The following PLEKHM3 variants were observed in gnomAD, a reference collection of about 807,000 sequenced individuals.
PLEKHM3 encodes pleckstrin homology domain containing M3.
In PLEKHM3, 45 loss-of-function variants were observed where a neutral mutation model predicts 81.8. The ratio of observed to expected loss-of-function variants is 0.55; its 90% CI spans 0.43 to 0.71. The LOEUF is 0.71. PLEKHM3 is among the 30% of genes least tolerant of loss of function. PLEKHM3 has a pLI of 0.00. For missense variants in PLEKHM3, 788 were observed against 924.3 expected (o/e 0.85, Z 1.91); for synonymous variants, 352 against 356.4 (o/e 0.99, Z 0.14).
chr2:207,912,996 T>C (rs1319695507), intron 5 of PLEKHM3, among the ~76,000 whole-genome samples: 1 of 152,148 alleles, frequency 6.6e-6, no homozygotes, highest in African/African-American at 2.4e-5. Context: ...TCCAAGGGCT[T>C]TCCTCTGCTG....
chr2:207,986,975 C>T (rs148142991), intron 2 of PLEKHM3, among the ~76,000 whole-genome samples: 21 of 151,928 alleles, frequency 1.4e-4, no homozygotes, highest in East Asian at 1.2e-3. Context: ...CCACTACACT[C>T]GCCCTCCATC....
At chr2:207,841,195 G>A (rs1004411568) in intron 7 of PLEKHM3, among the ~76,000 whole-genome samples, 7 of 151,082 alleles carry the variant, frequency 4.6e-5, no homozygotes, top group African/African-American at 7.3e-5. Context: ...GACTGGGCGC[G>A]GTGGCTCACG....
chr2:207,940,791 T>C (rs1023629744), intron 4 of PLEKHM3, among the ~76,000 whole-genome samples: 1 of 152,170 alleles, frequency 6.6e-6, no homozygotes, highest in Non-Finnish European at 1.5e-5. Context: ...CATGCCTTCT[T>C]TAGCTCTCAA....
chr2:207,906,017 C>T (rs1360483280), intron 6 of PLEKHM3, among the ~76,000 whole-genome samples: 1 of 152,218 alleles, frequency 6.6e-6, no homozygotes, highest in African/African-American at 2.4e-5. Context: ...GGATACATTA[C>T]TTTGACACCC....
chr2:207,892,696 T>C (rs931867603), intron 6 of PLEKHM3, among the ~76,000 whole-genome samples: 1 of 152,086 alleles, frequency 6.6e-6, no homozygotes, highest in Non-Finnish European at 1.5e-5. Flanking sequence ...CCCATTGCCA[T>C]TGGTGGGGTG....
At chr2:207,871,469 T>A (rs13392428) in intron 6 of PLEKHM3, among the ~76,000 whole-genome samples, 3,539 of 152,298 alleles carry the variant, frequency 0.023, 144 homozygotes, top group African/African-American at 0.08. Flanking sequence ...GGTAGATTTA[T>A]GAGTGGCCAC....
chr2:207,951,839 A>G (rs1416321110), intron 3 of PLEKHM3, among the ~76,000 whole-genome samples: 1 of 152,202 alleles, frequency 6.6e-6, no homozygotes, highest in Non-Finnish European at 1.5e-5. Flanking sequence ...AGGAAGAGCC[A>G]GCCACTTTCT....
At chr2:207,940,076 G>C (rs546013253) in intron 4 of PLEKHM3, among the ~76,000 whole-genome samples, 1 of 152,284 alleles carries the variant, frequency 6.6e-6, no homozygotes. Flanking sequence ...GTTCCCAGGG[G>C]ACAGGCTTCA....
At chr2:208,012,398 T>G (rs1264429350) in intron 1 of PLEKHM3, among the ~76,000 whole-genome samples, 1 of 152,238 alleles carries the variant, frequency 6.6e-6, no homozygotes, top group Non-Finnish European at 1.5e-5. Flanking sequence ...ATTCATTTAT[T>G]GTCAATTGTA....
intron 3 of PLEKHM3, among the ~76,000 whole-genome samples, chr2:207,973,746 A>G (rs1055817337): frequency 1.3e-5 from 2 of 151,278 alleles, no homozygotes; most frequent in Non-Finnish European, 2.9e-5. Flanking sequence ...TCTCAAAAAA[A>G]AAGAAAAAAA....
chr2:207,857,013 A>G (rs934416003), intron 7 of PLEKHM3, among the ~76,000 whole-genome samples: 1 of 151,966 alleles, frequency 6.6e-6, no homozygotes, highest in Non-Finnish European at 1.5e-5. Context: ...AGAAGAATGT[A>G]TATTTTGTTG....
At position 207,843,901 on chromosome 2, in the gene PLEKHM3, GCAA is replaced by G. The variant is rs759951453; in HGVS notation, c.2109-15408_2109-15406del. ...GCCCAGGAGCTGGAGACCAGTCTGA[GCAA>G]CATATTGAGATCTTGTCTCCACAGA... is the stretch of plus-strand genomic sequence containing the variant. On this transcript the variant is annotated intron_variant, in intron 7 of 7. Coordinates refer to ENST00000427836, the MANE Select transcript of PLEKHM3 (RefSeq NM_001080475.3). This position sits in a 1 kb window ranked among gnomAD's most constrained non-coding sequence, Gnocchi z 4.4. Among the ~76,000 whole-genome samples, 118 of 152,064 alleles carry G rather than the reference GCAA, an allele frequency of 7.8e-4. 1 individual carries two copies. The highest frequency in any genetic ancestry group is 4.7e-4 in the Non-Finnish European group (32 of 68,016).
intron 6 of PLEKHM3, chr2:207,900,833 C>G (rs1396916396): frequency 1.3e-5 from 2 of 157,980 alleles, no homozygotes; most frequent in East Asian, 3.7e-4. Context: ...TAGGTTTCTA[C>G]CACTGGCAAG....
intron 5 of PLEKHM3, among the ~76,000 whole-genome samples, chr2:207,919,887 T>C (rs1167328395): frequency 6.6e-6 from 1 of 152,092 alleles, no homozygotes; most frequent in East Asian, 1.9e-4. Context: ...GGGACTGGTC[T>C]AAGAGCAGAG....
Position 208,001,825 on chromosome 2 carries a change from T to TAGCCACTAGCAAA in PLEKHM3, c.-187_-186insTTTGCTAGTGGCT. 1 of 908,078 alleles carries TAGCCACTAGCAAA rather than the reference T, an allele frequency of 1.1e-6. No homozygotes were observed. The highest frequency in any genetic ancestry group is 1.6e-6 in the Non-Finnish European group (1 of 618,668). The allele number at this position is 908,078 out of a possible 1,614,324, so 56.3% of individuals were successfully genotyped here. A position where few individuals can be genotyped will look rare whatever the true frequency, so the allele number is the denominator to read the frequency against. Reference sequence around the variant, plus strand: ...ATGTTTTCCTGGTAATTAAAAGCATTTGCTAGTGGCTAATGGGCATTAACA... The same window carrying TAGCCACTAGCAAA: ...ATGTTTTCCTGGTAATTAAAAGCATTAGCCACTAGCAAATGCTAGTGGCTAATGGGCATTAACA... On this transcript the variant is annotated 5_prime_UTR_variant, in exon 2 of 8. Transcript: ENST00000427836.
In PLEKHM3 at chr2:207,981,939, T is replaced by A. The variant is rs549362001; in HGVS notation, c.611-4353A>T. On this transcript the variant is annotated intron_variant, in intron 2 of 7. Coordinates refer to ENST00000427836, the MANE Select transcript of PLEKHM3 (RefSeq NM_001080475.3). ...ACAGTTGACTCTTGAAAAGCATGGG[T>A]TTGAACAGTGCAGGTCCACTTATAC... Among the ~76,000 whole-genome samples, 8 of 152,220 alleles carry A rather than the reference T, an allele frequency of 5.3e-5. No homozygotes were observed. In the South Asian group the frequency reaches 1.0e-3, roughly 20 times the overall value.
At chr2:207,870,612 T>C (rs910691069) in intron 6 of PLEKHM3, among the ~76,000 whole-genome samples, 1 of 152,258 alleles carries the variant, frequency 6.6e-6, no homozygotes, top group Non-Finnish European at 1.5e-5. Context: ...TTGCATTTTG[T>C]TTCTAGGGTC....
chr2:207,944,722 C>CT (rs1441059182), intron 4 of PLEKHM3, among the ~76,000 whole-genome samples: 1 of 152,182 alleles, frequency 6.6e-6, no homozygotes, highest in Non-Finnish European at 1.5e-5. Context: ...CTGCAGACAG[C>CT]TTTTTTCTCT....
intron 1 of PLEKHM3, among the ~76,000 whole-genome samples, chr2:208,021,164 T>C (rs2106132625): frequency 6.6e-6 from 1 of 152,376 alleles, no homozygotes; most frequent in South Asian, 2.1e-4. Flanking sequence ...TGTTTTTTAA[T>C]GAAGATGTTA....
Sources: allele counts gnomAD v4.1 joint callset (sites outside exome capture counted in the v4.1 genomes callset), GRCh38; gene constraint gnomAD v4.1.1; non-coding constraint Gnocchi (gnomAD v3.1); transcripts MANE v1.5; gene names NCBI Gene and HGNC (gene_info 2026-07-23, HGNC 2026-07-21).